PLEKHA6: variants seen among roughly 807,000 people sequenced by gnomAD.
The protein encoded by PLEKHA6 is pleckstrin homology domain-containing family A member 6.
Under a neutral mutation model 116.7 loss-of-function variants are expected in PLEKHA6, and 60 were observed. The observed-to-expected ratio is 0.51, with a 90% CI of 0.42 to 0.64. PLEKHA6 has a LOEUF of 0.64. Ranked by LOEUF, PLEKHA6 falls within the 30% of genes least tolerant of loss-of-function variation. The pLI is 0.00. For missense variants in PLEKHA6, 1,338 were observed against 1,422.7 expected (o/e 0.94, Z 0.96); for synonymous variants, 489 against 556.1 (o/e 0.88, Z 1.70).
At chr1:204,267,179 C>G (rs1378398249) in intron 5 of PLEKHA6, among the ~76,000 whole-genome samples, 3 of 152,214 alleles carry the variant, frequency 2.0e-5, no homozygotes, top group Non-Finnish European at 4.4e-5. Flanking sequence ...CCTCTCTCCC[C>G]ATTCCTCCAG....
At chr1:204,360,753 C>A (rs748201374), upstream of PLEKHA6, among the ~76,000 whole-genome samples, 1 of 151,996 alleles carries the variant, frequency 6.6e-6, no homozygotes, top group Non-Finnish European at 1.5e-5. Flanking sequence ...CTGCCCAAAT[C>A]GGTCTTGATA....
chr1:204,231,681 C>T (rs1661198468), intron 17 of PLEKHA6, among the ~76,000 whole-genome samples: 1 of 151,596 alleles, frequency 6.6e-6, no homozygotes, highest in African/African-American at 2.4e-5. Flanking sequence ...AATCTTCCTG[C>T]ATCAGCCTTC....
chr1:204,273,900 CT>C (rs1667740218), intron 2 of PLEKHA6, among the ~76,000 whole-genome samples, 160 bp from the exon 3 acceptor site: 1 of 152,102 alleles, frequency 6.6e-6, no homozygotes, highest in Non-Finnish European at 1.5e-5. Flanking sequence ...CTCCTTTAGC[CT>C]TTCTGAAATT....
intron 1 of PLEKHA6, among the ~76,000 whole-genome samples, chr1:204,345,065 G>C (rs955109756): frequency 3.9e-5 from 6 of 152,128 alleles, no homozygotes; most frequent in African/African-American, 7.2e-5. Flanking sequence ...CACATTTATC[G>C]GCGAGAAAGA....
intron 1 of PLEKHA6, among the ~76,000 whole-genome samples, chr1:204,293,443 CTT>C (rs1426098624): frequency 4.6e-5 from 7 of 152,100 alleles, no homozygotes; most frequent in African/African-American, 1.7e-4. Context: ...CCAATCAAGA[CTT>C]ATTTTAACGC....
intron 1 of PLEKHA6, chr1:204,313,869 G>A (rs780892001): frequency 5.1e-5 from 9 of 176,840 alleles, no homozygotes; most frequent in Middle Eastern, 2.7e-3. Flanking sequence ...TCCCTCCCCC[G>A]AGCTTCCTGG....
intron 1 of PLEKHA6, chr1:204,309,611 T>C: frequency 2.8e-6 from 1 of 354,768 alleles, no homozygotes; most frequent in Non-Finnish European, 3.9e-6. Context: ...CATGTTCGCA[T>C]GACAACAAAC....
intron 1 of PLEKHA6, among the ~76,000 whole-genome samples, chr1:204,357,785 A>C (rs147021620): frequency 1.3e-5 from 2 of 152,232 alleles, no homozygotes; most frequent in Non-Finnish European, 2.9e-5. Flanking sequence ...CGGCTTCTTC[A>C]CTCTGGCCTA....
chr1:204,268,516 T>C (rs1049955655), intron 3 of PLEKHA6, among the ~76,000 whole-genome samples: 1 of 151,744 alleles, frequency 6.6e-6, no homozygotes, highest in Admixed American at 6.6e-5. Context: ...TTCTCATTTC[T>C]AAAATAGGGC....
intron 1 of PLEKHA6, among the ~76,000 whole-genome samples, chr1:204,312,984 C>T (rs1458846587): frequency 6.6e-6 from 1 of 150,868 alleles, no homozygotes; most frequent in African/African-American, 2.4e-5. Context: ...CCCACCTCAG[C>T]TTCTCAAAGC....
At chr1:204,320,815 G>C (rs1170200552) in intron 1 of PLEKHA6, among the ~76,000 whole-genome samples, 5 of 152,172 alleles carry the variant, frequency 3.3e-5, no homozygotes, top group African/African-American at 1.2e-4. Flanking sequence ...GAGTGGGAGA[G>C]AGGGGTTCTT....
chr1:204,357,058 T>G (rs569509268), intron 1 of PLEKHA6, among the ~76,000 whole-genome samples: 11 of 152,382 alleles, frequency 7.2e-5, no homozygotes, highest in African/African-American at 2.6e-4. Context: ...TTATATACTA[T>G]TTTAATCAAA....
chr1:204,299,658 G>C, intron 1 of PLEKHA6: 1 of 984,804 alleles, frequency 1.0e-6, no homozygotes, highest in Non-Finnish European at 1.2e-6. Context: ...GTCTTCTACT[G>C]TCTTAGGGCC....
chr1:204,283,581 T>A lies in PLEKHA6; in HGVS notation c.-94-8772A>T, dbSNP rs371397845. Among the ~76,000 whole-genome samples the A allele has an allele frequency of 7.9e-5, 12 of 152,078 alleles. No individual in the cohort carries two copies. The East Asian group carries it at 1.5e-3, about 20-fold the overall frequency. ...GTCCCAGCTATAGTGACAGGAGAGG[T>A]CAGAAAAATTTGAGTCTTGGGCTCC... On this transcript the variant is annotated intron_variant, in intron 1 of 22. Transcript: ENST00000272203.
intron 4 of PLEKHA6, 121 bp from the exon 5 acceptor site, chr1:204,267,668 G>T: frequency 2.5e-6 from 2 of 797,564 alleles, no homozygotes; most frequent in Non-Finnish European, 4.3e-6. Flanking sequence ...CTGCGGCTCT[G>T]CTGTTAATGC....
chr1:204,270,759 G>C (rs1308753642), intron 3 of PLEKHA6, among the ~76,000 whole-genome samples: 2 of 152,232 alleles, frequency 1.3e-5, no homozygotes, highest in Non-Finnish European at 2.9e-5. Context: ...ACTTAAGAGA[G>C]AGGTTGGATT....
In PLEKHA6 at chr1:204,308,651, G is replaced by A. The variant is rs181668693; in HGVS notation, c.-94-33842C>T. Among the ~76,000 whole-genome samples, 7 of 149,028 alleles carry A rather than the reference G, an allele frequency of 4.7e-5. No homozygotes were observed. In the East Asian group the frequency reaches 9.7e-4, roughly 21 times the overall value. On this transcript the variant is annotated intron_variant, in intron 1 of 22. Transcript: ENST00000272203. ...ATTGCTCTTCCCACTACCTCCAGTC[G>A]CCAGCTGACTCAAGAAGGTAATTCT...
At chr1:204,345,458 A>C (rs1332806698) in intron 1 of PLEKHA6, among the ~76,000 whole-genome samples, 7 of 151,778 alleles carry the variant, frequency 4.6e-5, no homozygotes, top group Non-Finnish European at 1.0e-4. Flanking sequence ...GTTTCTTTCC[A>C]CTGAGAACCC....
chr1:204,286,934 T>C (rs145591696), intron 1 of PLEKHA6, among the ~76,000 whole-genome samples: 1,960 of 152,262 alleles, frequency 0.013, 21 homozygotes, highest in South Asian at 0.041. Flanking sequence ...CTTCCCCCTA[T>C]TGTGCCTGGT....
Sources: allele counts gnomAD v4.1 joint callset (sites outside exome capture counted in the v4.1 genomes callset), GRCh38; gene constraint gnomAD v4.1.1; transcripts MANE v1.5; gene names NCBI Gene and HGNC (gene_info 2026-07-23, HGNC 2026-07-21).